Variants in MID1 observed in about 807,000 individuals in gnomAD.
MID1 encodes the protein midline 1, also known as E3 ubiquitin-protein ligase Midline-1.
Under a neutral mutation model 40.4 loss-of-function variants are expected in MID1, and 7 were observed. That is an observed-to-expected ratio of 0.17 (90% CI 0.10 to 0.33). The LOEUF is 0.33. Among genes scored for constraint, MID1 ranks in the 10% least tolerant of loss-of-function variants. MID1 has a pLI of 1.00. For missense variants in MID1, 367 were observed against 558.5 expected (o/e 0.66, Z 3.46); for synonymous variants, 229 against 221.2 (o/e 1.04, Z -0.31).
chrX:10,832,859 T>TTGTACACATATAGAATA (rs2044261446), intron 1 of MID1, among the ~76,000 whole-genome samples: 1 of 112,356 alleles, frequency 8.9e-6, no homozygotes, highest in African/African-American at 3.2e-5. Flanking sequence ...ATTGAGATTT[T>TTGTACACATATAGAATA]TGTACACATA....
chrX:10,472,851 G>A lies in MID1; in HGVS notation c.1141+1772C>T, dbSNP rs2283705. 7.6e-4 allele frequency among the ~76,000 whole-genome samples: 85 copies of A among 112,250 alleles called. No individual in the cohort carries two copies. The East Asian group carries it at 0.021, about 27-fold the overall frequency. On this transcript the variant is annotated intron_variant, in intron 6 of 9. Coordinates refer to ENST00000317552, the MANE Select transcript of MID1 (RefSeq NM_000381.4). ...AAGAAAGAGCCTGGGGTCTGAGGTCGTCACTGAACCACTGCCCAGCCCTGG... is the reference window on the plus strand; with the variant it reads ...AAGAAAGAGCCTGGGGTCTGAGGTCATCACTGAACCACTGCCCAGCCCTGG...
At chrX:10,739,064 C>T (rs917202659) in intron 1 of MID1, among the ~76,000 whole-genome samples, 3 of 111,291 alleles carry the variant, frequency 2.7e-5, no homozygotes, top group African/African-American at 9.8e-5. Flanking sequence ...TTGATTCAAG[C>T]GATATTTTGT....
chrX:10,787,270 A>C (rs1393731162), intron 1 of MID1, among the ~76,000 whole-genome samples: 1 of 110,565 alleles, frequency 9.0e-6, no homozygotes, highest in Non-Finnish European at 1.9e-5. Flanking sequence ...AAGCATATAA[A>C]ATTAACTGAA....
At chrX:10,563,712 G>T (rs1934424573) in intron 2 of MID1, among the ~76,000 whole-genome samples, 1 of 111,884 alleles carries the variant, frequency 8.9e-6, no homozygotes, top group South Asian at 3.7e-4. Flanking sequence ...AATATTTCAT[G>T]AGTGCCTCTC....
intron 4 of MID1, among the ~76,000 whole-genome samples, chrX:10,493,440 C>T: frequency 8.9e-6 from 1 of 112,043 alleles, no homozygotes; most frequent in Admixed American, 9.5e-5. Context: ...TTCCGAATTT[C>T]AGCACACTGA....
At chrX:10,653,577 T>A (rs2042848847) in intron 1 of MID1, among the ~76,000 whole-genome samples, 1 of 112,414 alleles carries the variant, frequency 8.9e-6, no homozygotes, top group Non-Finnish European at 1.9e-5. Flanking sequence ...TTCCTATACA[T>A]CATTGGTCAA....
intron 1 of MID1, among the ~76,000 whole-genome samples, chrX:10,594,842 A>G (rs1466421444): frequency 8.9e-6 from 1 of 112,030 alleles, no homozygotes; most frequent in African/African-American, 3.2e-5. Context: ...TGGTGACTTA[A>G]TGGAAATAAT....
chrX:10,704,026 C>T (rs748275039), intron 1 of MID1, among the ~76,000 whole-genome samples: 8 of 111,848 alleles, frequency 7.2e-5, no homozygotes, highest in Non-Finnish European at 1.3e-4. Flanking sequence ...GTTGTTATAA[C>T]GTAACTTTTG....
chrX:10,706,185 G>A (rs2043230439), intron 1 of MID1, among the ~76,000 whole-genome samples: 1 of 110,994 alleles, frequency 9.0e-6, no homozygotes, highest in Non-Finnish European at 1.9e-5. Context: ...GGGGTGGGGG[G>A]TGTGTGAAAT....
intron 1 of MID1, among the ~76,000 whole-genome samples, chrX:10,578,867 C>T (rs1934936974): frequency 8.9e-6 from 1 of 112,167 alleles, no homozygotes; most frequent in South Asian, 3.7e-4. Context: ...TTTAACACTG[C>T]TGTCCCTGAA....
At chrX:10,715,026 T>A (rs1468167717) in intron 1 of MID1, among the ~76,000 whole-genome samples, 1 of 112,706 alleles carries the variant, frequency 8.9e-6, no homozygotes, top group Admixed American at 9.4e-5. Flanking sequence ...TGGCATGCAA[T>A]AGAAAGTTAT....
intron 1 of MID1, among the ~76,000 whole-genome samples, chrX:10,684,873 T>C (rs2043084116): frequency 8.9e-6 from 1 of 111,804 alleles, no homozygotes; most frequent in Admixed American, 9.5e-5. Context: ...TAAGACCTCT[T>C]ATGCCTATTT....
Position 10,510,844 on chromosome X carries a change from A to AG in MID1, c.756+12247_756+12248insC, listed in dbSNP as rs1428043740. Among the ~76,000 whole-genome samples the AG allele has an allele frequency of 5.4e-3, 584 of 108,064 alleles. 6 individuals carry two copies. Among genetic ancestry groups the AG allele is most frequent in the African/African-American group, 0.019 (547 of 29,518 alleles). The allele number at this position is 108,064 out of a possible 115,157, so 93.8% of individuals were successfully genotyped here. A position where few individuals can be genotyped will look rare whatever the true frequency, so the allele number is the denominator to read the frequency against. The stretch of plus-strand genomic sequence containing the variant: ...AGACTCTGTCTCAAAAAAAAAAAAA[A>AG]AAAAAAAAAAGAAAATGCTGAAACC... On this transcript the variant is annotated intron_variant, in intron 3 of 9. Coordinates refer to ENST00000317552, the MANE Select transcript of MID1 (RefSeq NM_000381.4).
At position 10,507,496 on chromosome X, in the gene MID1, G is replaced by T. The variant is rs188609289; in HGVS notation, c.757-11805C>A. On this transcript the variant is annotated intron_variant, in intron 3 of 9. Transcript: ENST00000317552. The stretch of plus-strand genomic sequence containing the variant: ...TAGGGCCACTTCGTGAAAAGCAGAA[G>T]AAAAAAATAGTTTATTCTGCAAAAA... Among the ~76,000 whole-genome samples the T allele has an allele frequency of 1.8e-3, 201 of 112,475 alleles. 1 individual carries two copies. Among genetic ancestry groups the T allele is most frequent in the Non-Finnish European group, 3.0e-3 (161 of 53,216 alleles).
intron 1 of MID1, among the ~76,000 whole-genome samples, chrX:10,760,409 C>T (rs1569163709): frequency 8.9e-6 from 1 of 112,125 alleles, no homozygotes; most frequent in Non-Finnish European, 1.9e-5. Flanking sequence ...GGATATGTCT[C>T]AGATAGCAAA....
chrX:10,641,437 C>G (rs944745570), intron 1 of MID1, among the ~76,000 whole-genome samples: 6 of 111,774 alleles, frequency 5.4e-5, no homozygotes, highest in Admixed American at 3.8e-4. Flanking sequence ...GGACAAATTC[C>G]TGGACACATA....
At chrX:10,717,451 G>C (rs1253471483) in intron 1 of MID1, among the ~76,000 whole-genome samples, 1 of 109,549 alleles carries the variant, frequency 9.1e-6, no homozygotes, top group African/African-American at 3.3e-5. Context: ...GACAAAGAAG[G>C]CCATTACATA....
intron 1 of MID1, among the ~76,000 whole-genome samples, chrX:10,673,087 G>A (rs1177837804): frequency 1.8e-5 from 2 of 111,991 alleles, no homozygotes; most frequent in African/African-American, 6.5e-5. Context: ...AAATAATTGT[G>A]TTGCGGTAAA....
chrX:10,687,918 A>T (rs1441595343), intron 1 of MID1, among the ~76,000 whole-genome samples: 1 of 110,580 alleles, frequency 9.0e-6, no homozygotes, highest in Non-Finnish European at 1.9e-5. Context: ...GGGTCTCCTT[A>T]TGTTGCCCAT....
Sources: gnomAD v4.1 joint callset for allele counts (sites outside exome capture counted in the v4.1 genomes callset) on GRCh38, gnomAD v4.1.1 for gene constraint, MANE v1.5 for transcripts, NCBI Gene and HGNC (gene_info 2026-07-23, HGNC 2026-07-21) for gene names.